The following HEATR3 variants were observed in gnomAD, a reference collection of about 807,000 sequenced individuals.
HEATR3 encodes the protein HEAT repeat-containing protein 3.
A neutral mutation model predicts 72.8 loss-of-function variants in HEATR3; 56 were observed. The observed-to-expected ratio is 0.77, with a 90% CI of 0.62 to 0.96. HEATR3 has a LOEUF of 0.96. Among genes scored for constraint, HEATR3 ranks in the 40% least tolerant of loss-of-function variants. The pLI, the probability that HEATR3 is intolerant of heterozygous loss-of-function variation, is 0.00. For missense variants in HEATR3, 747 were observed against 831.4 expected (o/e 0.90, Z 1.25); for synonymous variants, 331 against 318.1 (o/e 1.04, Z -0.43).
intron 6 of HEATR3, among the ~76,000 whole-genome samples, chr16:50,077,954 G>A (rs2036776125): frequency 6.9e-6 from 1 of 145,940 alleles, no homozygotes; most frequent in African/African-American, 2.6e-5. Context: ...TCGGCTCACT[G>A]CAACCTCTGC....
At chr16:50,073,543 A>T (rs1476214824) in intron 5 of HEATR3, 2 of 152,156 alleles carry the variant, frequency 1.3e-5, no homozygotes, top group African/African-American at 4.8e-5. Context: ...CTACTGAGAA[A>T]ATTTTAAAAA....
At chr16:50,085,342 T>C (rs765483080) in intron 10 of HEATR3, among the ~76,000 whole-genome samples, 4 of 152,154 alleles carry the variant, frequency 2.6e-5, no homozygotes, top group Non-Finnish European at 5.9e-5. Flanking sequence ...AAAATAATTT[T>C]AGGCTGGGCA....
At chr16:50,084,479 C>A in intron 9 of HEATR3, 90 bp from the exon 10 acceptor site, 3 of 1,144,982 alleles carry the variant, frequency 2.6e-6, no homozygotes, top group Non-Finnish European at 3.9e-6. Context: ...CTAACCATTT[C>A]ACTTAGGAGT....
intron 7 of HEATR3, among the ~76,000 whole-genome samples, chr16:50,082,363 G>C (rs2036886219): frequency 6.6e-6 from 1 of 151,926 alleles, no homozygotes; most frequent in Admixed American, 6.6e-5. Flanking sequence ...GAATAAAAAA[G>C]AATAAGCCAG....
In HEATR3 at chr16:50,075,729, G is replaced by T. The variant is rs200605948; in HGVS notation, c.763+18G>T. The T allele has an allele frequency of 1.0e-5, 16 of 1,603,778 alleles. No homozygotes were observed. In the Middle Eastern group the frequency reaches 5.0e-4, roughly 51 times the overall value. On this transcript the variant is annotated intron_variant, in intron 6 of 14. Coordinates refer to ENST00000299192, the MANE Select transcript of HEATR3 (RefSeq NM_182922.4). ...GGTAGCAGGTAAAATTTAGCCTTAC[G>T]GCATAGTATATTGTTTCAGTAGCTT...
chr16:50,099,436 G>A (rs2037318349), intron 12 of HEATR3, among the ~76,000 whole-genome samples: 1 of 152,240 alleles, frequency 6.6e-6, no homozygotes, highest in South Asian at 2.1e-4. Context: ...GAGACTTCAT[G>A]TCTACAAAAA....
intron 10 of HEATR3, among the ~76,000 whole-genome samples, chr16:50,085,107 TAAAAA>T (rs964057252): frequency 6.9e-6 from 1 of 145,118 alleles, no homozygotes; most frequent in African/African-American, 2.5e-5. Context: ...ATAAACCTAT[TAAAAA>T]AAAAAAGAGG....
chr16:50,067,462 G>A (rs1282753858), intron 2 of HEATR3, among the ~76,000 whole-genome samples: 2 of 152,162 alleles, frequency 1.3e-5, no homozygotes, highest in African/African-American at 2.4e-5. Context: ...CACAAAGGGA[G>A]CAGCAACAGC....
At position 50,066,402 on chromosome 16, in the gene HEATR3, C is replaced by T. The variant is rs2036495228; in HGVS notation, c.174C>T (p.Ala58=). 6.5e-7 allele frequency: 1 copy of T among 1,543,298 alleles called. No homozygotes were observed. The highest frequency in any genetic ancestry group is 8.6e-7 in the Non-Finnish European group (1 of 1,156,538). The change falls in exon 2 of 15, where the codon GCC becomes GCT. Residue 58 remains alanine, a synonymous_variant. Transcript: ENST00000299192. ...CGAGCGCCGAGGTCCGCGAGTGCGC[C>T]TGCGCAGGGCTGGCCCGGCTGGTGC... The part of the protein sequence containing the change: ...QHPSAEVREC[A]CAGLARLVQQ...
chr16:50,066,383 C>T lies in HEATR3; in HGVS notation c.155C>T (p.Ala52Val), dbSNP rs753217324. 1.3e-6 allele frequency: 2 copies of T among 1,550,520 alleles called. No homozygotes were observed. The highest frequency in any genetic ancestry group is 1.7e-6 in the Non-Finnish European group (2 of 1,159,438). Reference sequence around the variant, plus strand: ...CATCCGCAGCTCCAGCACCCGAGCGCCGAGGTCCGCGAGTGCGCCTGCGCA... The same window carrying T: ...CATCCGCAGCTCCAGCACCCGAGCGTCGAGGTCCGCGAGTGCGCCTGCGCA... ...ELLEKLQHPSAEVRECACAGL... is the reference protein window; with the variant it reads ...ELLEKLQHPSVEVRECACAGL... Residue 52 changes from alanine (A) to valine (V), a missense_variant, in exon 2 of 15, where the codon GCC becomes GTC. By Grantham distance (64) the Ala-to-Val change is moderately conservative. Transcript: ENST00000299192.
chr16:50,089,090 G>A (rs552167945), intron 11 of HEATR3, among the ~76,000 whole-genome samples: 1 of 152,336 alleles, frequency 6.6e-6, no homozygotes, highest in South Asian at 2.1e-4. Context: ...TAACTGCAAA[G>A]ATCACAGGAA....
chr16:50,095,262 C>T (rs1395694954), intron 12 of HEATR3, among the ~76,000 whole-genome samples: 2 of 152,000 alleles, frequency 1.3e-5, no homozygotes, highest in Non-Finnish European at 2.9e-5. Flanking sequence ...TACAGGCATG[C>T]GTCACCACAA....
Position 50,066,061 on chromosome 16 carries a change from C to A in HEATR3, c.-71C>A. The A allele has an allele frequency of 6.8e-7, 1 of 1,468,178 alleles. No individual in the cohort carries two copies. Among genetic ancestry groups the A allele is most frequent in the Non-Finnish European group, 9.1e-7 (1 of 1,097,948 alleles). The allele number at this position is 1,468,178 out of a possible 1,614,324, so 90.9% of individuals were successfully genotyped here. On this transcript the variant is annotated 5_prime_UTR_variant, in exon 1 of 15. Coordinates refer to ENST00000299192, the MANE Select transcript of HEATR3 (RefSeq NM_182922.4). ...GAGCAGCAGCAACGGACCTTGTTAACGGCGCGGCAGCCTCCACCGCCTGCT... is the reference window on the plus strand; with the variant it reads ...GAGCAGCAGCAACGGACCTTGTTAAAGGCGCGGCAGCCTCCACCGCCTGCT...
At chr16:50,081,395 A>G (rs2036862569) in intron 7 of HEATR3, among the ~76,000 whole-genome samples, 1 of 152,242 alleles carries the variant, frequency 6.6e-6, no homozygotes, top group African/African-American at 2.4e-5. Context: ...CAGTGAGTCA[A>G]GATCGCGCCA....
intron 2 of HEATR3, among the ~76,000 whole-genome samples, chr16:50,067,085 G>A (rs2036514606): frequency 6.6e-6 from 1 of 152,170 alleles, no homozygotes. Context: ...CGGGCGCGGT[G>A]GCACACACCT....
rs1383189594 is a variant in HEATR3 at position 50,066,763 on chromosome 16, G to C, written c.311+224G>C. ...TTCACCTGCAGCGTCCACCTGCTCAGGCGTCCTGCCCTCACGCCTTGCGCA... is the reference window on the plus strand; with the variant it reads ...TTCACCTGCAGCGTCCACCTGCTCACGCGTCCTGCCCTCACGCCTTGCGCA... On this transcript the variant is annotated intron_variant, in intron 2 of 14. Transcript: ENST00000299192. 9.4e-5 allele frequency: 39 copies of C among 413,092 alleles called. 1 individual carries two copies. The highest frequency in any genetic ancestry group is 8.3e-6 in the Non-Finnish European group (2 of 241,940). The allele number at this position is 413,092 out of a possible 1,614,324, so 25.6% of individuals were successfully genotyped here.
intron 6 of HEATR3, 125 bp from the exon 7 acceptor site, chr16:50,078,616 C>T: frequency 1.1e-6 from 1 of 877,764 alleles, no homozygotes; most frequent in South Asian, 1.8e-5. Context: ...AAATAATGAA[C>T]AAAGGCAGTA....
chr16:50,100,307 C>T lies in HEATR3; in HGVS notation c.1677C>T (p.Val559=), dbSNP rs761721978. ...GTAATGTCGGGGTTAGAGTGAATGT[C>T]GTTAGCATTTTAGGAATCACTGGCA... ...HSSNVGVRVN[V]VSILGITGSV... Residue 559 remains valine, a synonymous_variant, in exon 13 of 15, where the codon GTC becomes GTT. Transcript: ENST00000299192. 4 of 1,613,820 alleles carry T rather than the reference C, an allele frequency of 2.5e-6. No homozygotes were observed. The highest frequency in any genetic ancestry group is 1.6e-4 in the Middle Eastern group (1 of 6,084).
rs1011090349 is a variant in HEATR3 at position 50,106,114 on chromosome 16, T to C, written c.*1053T>C. 2.0e-5 allele frequency: 3 copies of C among 152,230 alleles called. No individual in the cohort carries two copies. Among genetic ancestry groups the C allele is most frequent in the Non-Finnish European group, 4.4e-5 (3 of 68,042 alleles). The allele number at this position is 152,230 out of a possible 1,614,324, so 9.4% of individuals were successfully genotyped here. A position where few individuals can be genotyped will look rare whatever the true frequency, so the allele number is the denominator to read the frequency against. On this transcript the variant is annotated 3_prime_UTR_variant, in exon 15 of 15. Transcript: ENST00000299192. ...GGATGTTCTTTTAAGGCATTTTATA[T>C]CAGTTGAACCTTAAACTGAAATATG...
Sources: allele counts gnomAD v4.1 joint callset (sites outside exome capture counted in the v4.1 genomes callset), GRCh38; gene constraint gnomAD v4.1.1; transcripts MANE v1.5; gene names NCBI Gene and HGNC (gene_info 2026-07-23, HGNC 2026-07-21).